The following ZP3 variants were observed in gnomAD, a reference collection of about 807,000 sequenced individuals.
ZP3 encodes zona pellucida sperm-binding protein 3.
A neutral mutation model predicts 35.6 loss-of-function variants in ZP3; 21 were observed. The observed-to-expected ratio is 0.59, with a 90% CI of 0.42 to 0.85. The LOEUF (loss-of-function observed/expected upper bound fraction) is 0.85. Ranked by LOEUF, ZP3 falls within the 40% of genes least tolerant of loss-of-function variation. The pLI, the probability that ZP3 is intolerant of heterozygous loss-of-function variation, is 0.00. For missense variants in ZP3, 437 were observed against 536.5 expected (o/e 0.81, Z 1.83); for synonymous variants, 207 against 214.5 (o/e 0.96, Z 0.31).
Position 76,397,880 on chromosome 7 carries a change from CCCCGT to C in ZP3, c.-67+86_-67+90del, listed in dbSNP as rs1302378540. The stretch of plus-strand genomic sequence containing the variant: ...GGGCGCATCTCCCACTGGCCTCTGC[CCCCGT>C]CCGCACCGCAAGGGCAGCCCGGTGT... On this transcript the variant is annotated intron_variant, in intron 1 of 8. Transcript: ENST00000336517. The C allele has an allele frequency of 8.9e-6, 13 of 1,467,058 alleles. No homozygotes were observed. The Admixed American group carries it at 3.2e-4, about 36-fold the overall frequency. 90.9% of individuals were successfully genotyped at this position (1,467,058 alleles called of 1,614,324 possible).
At chr7:76,423,082 AG>A (rs1341573971), upstream of ZP3, among the ~76,000 whole-genome samples, 3 of 144,050 alleles carry the variant, frequency 2.1e-5, no homozygotes, top group East Asian at 2.3e-4. Flanking sequence ...AAAGAAAGAA[AG>A]AAAAGAAATT....
At chr7:76,435,732 ATTT>A (rs71521128) in intron 5 of ZP3, among the ~76,000 whole-genome samples, 21,315 of 138,524 alleles carry the variant, frequency 0.15, 11 homozygotes, top group Middle Eastern at 0.23. Context: ...TACCACCAGC[ATTT>A]TTTTTTTTTT....
chr7:76,407,171 G>C (rs947313649), intron 1 of ZP3, among the ~76,000 whole-genome samples: 1 of 152,072 alleles, frequency 6.6e-6, no homozygotes, highest in African/African-American at 2.4e-5. Flanking sequence ...ATGTTGACCT[G>C]GCTGGTCTGG....
intron 1 of ZP3, chr7:76,401,032 G>A (rs1214816845): frequency 3.9e-6 from 6 of 1,549,108 alleles, no homozygotes; most frequent in East Asian, 2.5e-5. Flanking sequence ...GGAGTGGGCT[G>A]TAGGGCGCTG....
intron 7 of ZP3, among the ~76,000 whole-genome samples, chr7:76,441,298 A>G (rs1373297333): frequency 1.3e-5 from 2 of 149,828 alleles, no homozygotes; most frequent in Non-Finnish European, 3.0e-5. Context: ...ACATAGCAAG[A>G]CCCTGTCTCT....
At chr7:76,435,845 C>T (rs1225160530) in intron 5 of ZP3, among the ~76,000 whole-genome samples, 1 of 151,210 alleles carries the variant, frequency 6.6e-6, no homozygotes, top group Admixed American at 6.6e-5. Flanking sequence ...CTGCCTCAGC[C>T]TCCTGAGTAG....
chr7:76,439,145 A>AAAAAC (rs1563705268), intron 5 of ZP3, among the ~76,000 whole-genome samples: 15 of 130,106 alleles, frequency 1.2e-4, no homozygotes, highest in African/African-American at 3.8e-4. Flanking sequence ...AAAAAAAAAA[A>AAAAAC]AAAAAACCTC....
rs767924518 is a variant in ZP3 at position 76,433,501 on chromosome 7, C to G, written c.567C>G (p.Thr189=). 5.0e-6 allele frequency: 8 copies of G among 1,613,858 alleles called. No homozygotes were observed. The East Asian group carries it at 1.6e-4, about 31-fold the overall frequency. ...ENWNAEKRSP[T]FHLGDAAHLQ... ...GGAACGCTGAGAAGAGGTCCCCCAC[C>G]TTCCACCTGGGAGATGCAGCCCACC... The change falls in exon 4 of 8, where the codon ACC becomes ACG. Residue 189 remains threonine, a synonymous_variant. Transcript: ENST00000394857.
At chr7:76,437,198 CAG>C (rs1165932778) in intron 5 of ZP3, among the ~76,000 whole-genome samples, 12 of 68,288 alleles carry the variant, frequency 1.8e-4, no homozygotes, top group African/African-American at 7.0e-4. Context: ...TTTTTTTGGA[CAG>C]AGTCTCGCTC....
intron 3 of ZP3, 58 bp downstream of exon 3, chr7:76,433,088 C>T: frequency 8.0e-7 from 1 of 1,255,352 alleles, no homozygotes; most frequent in Non-Finnish European, 1.1e-6. Context: ...TCTCAGACCC[C>T]TGCCCTTGGC....
chr7:76,420,283 G>T (rs763193950), upstream of ZP3, among the ~76,000 whole-genome samples: 12 of 151,924 alleles, frequency 7.9e-5, no homozygotes, highest in Admixed American at 3.3e-4. Flanking sequence ...TCCCAAAATC[G>T]TGTGCTGGGA....
chr7:76,430,531 C>G (rs926074097), intron 2 of ZP3, among the ~76,000 whole-genome samples: 1 of 152,096 alleles, frequency 6.6e-6, no homozygotes, highest in Non-Finnish European at 1.5e-5. Flanking sequence ...GTAAGGAGTT[C>G]AGGACCAGCC....
intron 1 of ZP3, chr7:76,404,466 C>G (rs1251148547): frequency 6.2e-7 from 1 of 1,613,830 alleles, no homozygotes; most frequent in African/African-American, 1.3e-5. Context: ...GTTTCAGATG[C>G]TCCCATCAAG....
At position 76,440,581 on chromosome 7, in the gene ZP3, T is replaced by A; in HGVS notation, c.1030T>A (p.Ser344Thr). The A allele has an allele frequency of 6.2e-7, 1 of 1,613,978 alleles. No homozygotes were observed. The highest frequency in any genetic ancestry group is 8.5e-7 in the Non-Finnish European group (1 of 1,179,882). Reference protein sequence around the residue: ...RRQPHVMSQWSRSASRNRRHV... With the variant: ...RRQPHVMSQWTRSASRNRRHV... Reference sequence around the variant, plus strand: ...GCAGCCTCATGTCATGAGCCAGTGGTCCAGGTCTGCTTCCCGTAACCGCAG... The same window carrying A: ...GCAGCCTCATGTCATGAGCCAGTGGACCAGGTCTGCTTCCCGTAACCGCAG... The change falls in exon 7 of 8, where the codon TCC (serine) becomes ACC (threonine). Residue 344 changes from serine to threonine, a missense_variant. Transcript: ENST00000394857.
chr7:76,432,893 A>G (rs746200347), intron 2 of ZP3, 34 bp from the exon 3 acceptor site: 1 of 1,570,774 alleles, frequency 6.4e-7, no homozygotes, highest in Admixed American at 1.7e-5. Context: ...GTGTGACCTG[A>G]GGCAGGTGTG....
At position 76,440,248 on chromosome 7, in the gene ZP3, A is replaced by G; in HGVS notation, c.832-2A>G. ...CCTGGAAATAGCTGTTATTCCTTGC[A>G]GATATACATCACCTGCCACCTGAAG... On this transcript the variant is annotated splice_acceptor_variant, in intron 5 of 7. Transcript: ENST00000394857. LOFTEE classifies it high-confidence loss of function. 1 of 1,608,572 alleles carries G rather than the reference A, an allele frequency of 6.2e-7. No homozygotes were observed. Among genetic ancestry groups the G allele is most frequent in the South Asian group, 1.1e-5 (1 of 90,462 alleles).
intron 1 of ZP3, among the ~76,000 whole-genome samples, chr7:76,411,318 A>G: frequency 6.6e-6 from 1 of 152,158 alleles, no homozygotes; most frequent in South Asian, 2.1e-4. Flanking sequence ...TGTAATCCCA[A>G]CACTTCCGGA....
intron 1 of ZP3, among the ~76,000 whole-genome samples, chr7:76,418,728 C>T (rs190685243): frequency 1.3e-5 from 2 of 151,674 alleles, no homozygotes; most frequent in Admixed American, 6.6e-5. Flanking sequence ...TGGTGGCAGG[C>T]GCCTATAGTC....
intron 1 of ZP3, among the ~76,000 whole-genome samples, chr7:76,419,157 TATA>T (rs1164529713): frequency 6.6e-6 from 1 of 152,190 alleles, no homozygotes; most frequent in African/African-American, 2.4e-5. Flanking sequence ...TCATTATTGT[TATA>T]ATAATTTTGG....
Sources: allele counts gnomAD v4.1 joint callset (sites outside exome capture counted in the v4.1 genomes callset), GRCh38; gene constraint gnomAD v4.1.1; transcripts MANE v1.5; gene names NCBI Gene and HGNC (gene_info 2026-07-23, HGNC 2026-07-21).